Variants in PCDH11X observed in about 807,000 individuals in gnomAD.
The protein encoded by PCDH11X is protocadherin-11 X-linked.
A neutral mutation model predicts 53.3 loss-of-function variants in PCDH11X; 18 were observed. The ratio of observed to expected loss-of-function variants is 0.34; its 90% CI spans 0.23 to 0.50. The LOEUF (loss-of-function observed/expected upper bound fraction) is 0.50. Among genes scored for constraint, PCDH11X ranks in the 20% least tolerant of loss-of-function variants. The pLI is 0.98. For missense variants in PCDH11X, 570 were observed against 1,032.4 expected, an observed-to-expected ratio of 0.55 and a Z score of 6.14; for synonymous variants, 279 against 393.3, an observed-to-expected ratio of 0.71 and a Z score of 3.44.
rs1005858100 is a variant in PCDH11X, at chrX:92,623,082, C to A, written c.*4142C>A. On this transcript the variant is annotated 3_prime_UTR_variant, in exon 11 of 11. Transcript: ENST00000682573. ...AACAGTATCCCAAAGCAGTTCCAAC[C>A]ATGCTTTGGAAGTAAGAAGGTTGAC... 1 of 110,780 alleles carries A rather than the reference C, an allele frequency of 9.0e-6. No homozygotes were observed. The highest frequency in any genetic ancestry group is 3.3e-5 in the African/African-American group (1 of 30,488). The allele number at this position is 110,780 out of a possible 1,213,427, so 9.1% of individuals were successfully genotyped here. A position where few individuals can be genotyped will look rare whatever the true frequency, so the allele number is the denominator to read the frequency against.
rs1227976260 is a variant in PCDH11X, at chrX:92,277,263, G to A, written c.3144+14120G>A. On this transcript the variant is annotated intron_variant, in intron 8 of 10. Transcript: ENST00000682573. ...CTGATGTGTAAAAGAATGCCTGGAT[G>A]TCAGGCACCTCAGACCATTTGCCTA... Among the ~76,000 whole-genome samples the A allele has an allele frequency of 5.4e-5, 6 of 111,164 alleles. No individual in the cohort carries two copies. In the East Asian group the frequency reaches 1.1e-3, roughly 21 times the overall value.
chrX:92,453,739 C>A (rs933918673), intron 9 of PCDH11X, among the ~76,000 whole-genome samples: 2 of 110,709 alleles, frequency 1.8e-5, no homozygotes, highest in Non-Finnish European at 3.8e-5. Flanking sequence ...TTTGAAATAG[C>A]GTTTAAAATA....
intron 7 of PCDH11X, among the ~76,000 whole-genome samples, chrX:92,236,206 G>T: frequency 9.0e-6 from 1 of 110,915 alleles, no homozygotes; most frequent in Non-Finnish European, 1.9e-5. Context: ...TTAAGGCATG[G>T]TTAGCTGCCA....
chrX:91,907,442 G>GAGA (rs1569436527), intron 6 of PCDH11X, among the ~76,000 whole-genome samples: 4 of 92,074 alleles, frequency 4.3e-5, no homozygotes, highest in African/African-American at 1.2e-4. Flanking sequence ...GAGAGAGAGA[G>GAGA]GCTGACATAA....
intron 6 of PCDH11X, among the ~76,000 whole-genome samples, chrX:92,148,133 T>TTTCCTTCCTTCC (rs202024225): frequency 3.8e-4 from 2 of 5,202 alleles, no homozygotes; most frequent in Non-Finnish European, 5.6e-4. Context: ...TTTCTTTCTT[T>TTTCCTTCCTTCC]TTCCTTCCTT....
At position 92,459,577 on chromosome X, in the gene PCDH11X, A is replaced by G. The variant is rs1216635735; in HGVS notation, c.3344-8722A>G. 1.0e-4 allele frequency: 48 copies of G among 463,483 alleles called. No individual in the cohort carries two copies. The African/African-American group carries it at 1.2e-3, about 12-fold the overall frequency. The allele number at this position is 463,483 out of a possible 1,213,427, so 38.2% of individuals were successfully genotyped here. ...AAAATAAAACAAAGTATCCAGGAGT[A>G]AATAACCAAAAACTTGAAAGATTTC... On this transcript the variant is annotated intron_variant, in intron 9 of 10. Transcript: ENST00000682573.
At chrX:92,268,620 C>G (rs2067884632) in intron 8 of PCDH11X, among the ~76,000 whole-genome samples, 1 of 111,983 alleles carries the variant, frequency 8.9e-6, no homozygotes, top group Non-Finnish European at 1.9e-5. Flanking sequence ...ATATGCTCTT[C>G]TAGGGACATT....
chrX:92,360,805 GA>G (rs1164360143), intron 8 of PCDH11X, among the ~76,000 whole-genome samples: 2 of 108,503 alleles, frequency 1.8e-5, no homozygotes, highest in African/African-American at 3.3e-5. Context: ...TTAAAACCAA[GA>G]AAAAAAATCA....
intron 9 of PCDH11X, among the ~76,000 whole-genome samples, chrX:92,442,731 G>A (rs1253117378): frequency 9.4e-6 from 1 of 106,794 alleles, no homozygotes; most frequent in Non-Finnish European, 1.9e-5. Context: ...TCATTTCATA[G>A]CAAAGGACAT....
chrX:92,208,218 A>G (rs1053624984), intron 7 of PCDH11X, among the ~76,000 whole-genome samples: 1 of 89,136 alleles, frequency 1.1e-5, no homozygotes, highest in Non-Finnish European at 2.3e-5. Context: ...AAAAAAAAAA[A>G]CTTTTCTTTA....
intron 8 of PCDH11X, among the ~76,000 whole-genome samples, chrX:92,285,883 CTATAGAT>C (rs1437504062): frequency 9.0e-6 from 1 of 111,461 alleles, no homozygotes; most frequent in Non-Finnish European, 1.9e-5. Context: ...AGCATTGTTT[CTATAGAT>C]TATAGATTAA....
intron 6 of PCDH11X, among the ~76,000 whole-genome samples, chrX:92,016,836 AC>A (rs199757822): frequency 0.014 from 1,565 of 111,061 alleles, 22 homozygotes; most frequent in African/African-American, 0.048. Context: ...AACGTGGCTA[AC>A]TTTTTGGCAC....
chrX:92,475,972 T>C (rs1367308457), intron 10 of PCDH11X, among the ~76,000 whole-genome samples: 2 of 111,765 alleles, frequency 1.8e-5, no homozygotes. Flanking sequence ...AAGACTGATA[T>C]TGTTTGGCTG....
rs751424585 is a variant in PCDH11X, at chrX:92,149,809, T to G, written c.3034-51566T>G. 3.0e-4 allele frequency among the ~76,000 whole-genome samples: 33 copies of G among 111,229 alleles called. 1 individual carries two copies. The South Asian group carries it at 8.7e-3, about 29-fold the overall frequency. On this transcript the variant is annotated intron_variant, in intron 6 of 10. Transcript: ENST00000682573. Reference sequence around the variant, plus strand: ...TGTGTACTGTAAGTATATATTAGTTTGCTTTTTCAAGAAGTTTATATCAAT... The same window carrying G: ...TGTGTACTGTAAGTATATATTAGTTGGCTTTTTCAAGAAGTTTATATCAAT...
At position 92,531,206 on chromosome X, in the gene PCDH11X, C is replaced by G. The variant is rs181416731; in HGVS notation, c.3367+62884C>G. Reference sequence around the variant, plus strand: ...GTGATGTCTCAAATTAAAATTAACTCTGTAAGTAAAACTCTGCAGTGTACC... The same window carrying G: ...GTGATGTCTCAAATTAAAATTAACTGTGTAAGTAAAACTCTGCAGTGTACC... On this transcript the variant is annotated intron_variant, in intron 10 of 10. Coordinates refer to ENST00000682573, the MANE Select transcript of PCDH11X (RefSeq NM_032968.5). Among the ~76,000 whole-genome samples, 81 of 110,880 alleles carry G rather than the reference C, an allele frequency of 7.3e-4. No homozygotes were observed. The East Asian group carries it at 0.02, about 27-fold the overall frequency.
At chrX:92,136,437 G>C (rs55995036) in intron 6 of PCDH11X, among the ~76,000 whole-genome samples, 51,240 of 108,393 alleles carry the variant, frequency 0.47, 9,152 homozygotes, top group East Asian at 0.55. Flanking sequence ...GGTACCTCAG[G>C]AGATAAGAAT....
chrX:91,934,333 A>G (rs919245034), intron 6 of PCDH11X, among the ~76,000 whole-genome samples: 1 of 111,441 alleles, frequency 9.0e-6, no homozygotes, highest in Non-Finnish European at 1.9e-5. Context: ...AATAGCACCC[A>G]TAATTAAAGA....
chrX:92,265,500 A>T (rs1484101940), intron 8 of PCDH11X, among the ~76,000 whole-genome samples: 1 of 111,693 alleles, frequency 9.0e-6, no homozygotes, highest in Non-Finnish European at 1.9e-5. Flanking sequence ...AAAATAAAGT[A>T]AGCATAATAA....
intron 8 of PCDH11X, among the ~76,000 whole-genome samples, chrX:92,296,408 C>T (rs1309125238): frequency 1.4e-4 from 15 of 106,834 alleles, no homozygotes; most frequent in African/African-American, 5.2e-4. Flanking sequence ...GACCCACCAC[C>T]CTCAAGTAGG....
Sources: allele counts gnomAD v4.1 joint callset (sites outside exome capture counted in the v4.1 genomes callset), GRCh38; gene constraint gnomAD v4.1.1; transcripts MANE v1.5; gene names NCBI Gene and HGNC (gene_info 2026-07-23, HGNC 2026-07-21).